Variants in TTC6 observed in about 807,000 individuals in gnomAD.
The protein encoded by TTC6 is tetratricopeptide repeat protein 6.
TTC6 carries 172 observed loss-of-function variants against 210.4 expected under a neutral mutation model. That is an observed-to-expected ratio of 0.82 (90% CI 0.72 to 0.93). The LOEUF (loss-of-function observed/expected upper bound fraction) is 0.93. Ranked by LOEUF, TTC6 falls within the 40% of genes least tolerant of loss-of-function variation. The probability of loss-of-function intolerance (pLI) is 0.00; values close to 1 mark genes in which losing one functional copy is unlikely to be tolerated. For missense variants in TTC6, 2,414 were observed against 2,318.1 expected (o/e 1.04, Z -0.85); for synonymous variants, 804 against 819.6 (o/e 0.98, Z 0.32).
chr14:37,671,551 C>T (rs1460754279), intron 1 of TTC6, among the ~76,000 whole-genome samples: 1 of 152,028 alleles, frequency 6.6e-6, no homozygotes, highest in Non-Finnish European at 1.5e-5. Flanking sequence ...TATTAGTTAA[C>T]ATTTTGAACG....
chr14:37,699,243 A>G (rs1218173957), intron 4 of TTC6, among the ~76,000 whole-genome samples: 3 of 152,218 alleles, frequency 2.0e-5, no homozygotes, highest in Non-Finnish European at 4.4e-5. Context: ...GGACTGACAG[A>G]TGTAGCCCTA....
In TTC6 at chr14:37,736,997, A is replaced by T. The variant is rs148579049; in HGVS notation, c.1909-663A>T. Reference sequence around the variant, plus strand: ...GTCTCAAAACTCCTAGGCTTAAGTGATCCTCCTGCCTCAGCCTCCCAAACT... The same window carrying T: ...GTCTCAAAACTCCTAGGCTTAAGTGTTCCTCCTGCCTCAGCCTCCCAAACT... On this transcript the variant is annotated intron_variant, in intron 8 of 30. Coordinates refer to ENST00000553443, the Ensembl canonical transcript of TTC6. 2.4e-3 allele frequency among the ~76,000 whole-genome samples: 362 copies of T among 152,156 alleles called. 3 individuals carry two copies. Among genetic ancestry groups the T allele is most frequent in the African/African-American group, 8.1e-3 (336 of 41,504 alleles).
chr14:37,701,444 A>G (rs777551659), exon 5 of TTC6: 1 of 1,531,872 alleles, frequency 6.5e-7, no homozygotes, highest in Non-Finnish European at 8.7e-7. Context: ...CACTGCTAAC[A>G]GGAAAGGCCA....
At chr14:37,752,568 C>T (rs1376813357) in intron 13 of TTC6, among the ~76,000 whole-genome samples, 1 of 148,884 alleles carries the variant, frequency 6.7e-6, no homozygotes, top group Non-Finnish European at 1.5e-5. Flanking sequence ...TGTTTCAGTT[C>T]TTTTCTACTA....
rs75615002 is a variant in TTC6, at chr14:37,803,848, G to A, written c.4030-832G>A. 2.8e-4 allele frequency among the ~76,000 whole-genome samples: 42 copies of A among 152,214 alleles called. No individual in the cohort carries two copies. In the East Asian group the frequency reaches 7.7e-3, roughly 28 times the overall value. On this transcript the variant is annotated intron_variant, in intron 20 of 30. Coordinates refer to ENST00000553443, the Ensembl canonical transcript of TTC6. Reference sequence around the variant, plus strand: ...AGTGAGGACAGAAGGAGGGATGTTGGGTGGCTTGCAAACATATACAGCTAA... The same window carrying A: ...AGTGAGGACAGAAGGAGGGATGTTGAGTGGCTTGCAAACATATACAGCTAA...
chr14:37,630,551 A>G (rs1165678278), intron 1 of TTC6, among the ~76,000 whole-genome samples: 1 of 152,166 alleles, frequency 6.6e-6, no homozygotes, highest in East Asian at 1.9e-4. Flanking sequence ...AAGAATGTAT[A>G]TAGGTTTGAT....
chr14:37,670,696 C>T (rs1426027928), intron 1 of TTC6, among the ~76,000 whole-genome samples: 1 of 151,746 alleles, frequency 6.6e-6, no homozygotes. Context: ...GTCTGGAACC[C>T]CTGACCTAGA....
chr14:37,796,326 A>G (rs2096092666), exon 19 of TTC6: 1 of 1,297,454 alleles, frequency 7.7e-7, no homozygotes. Flanking sequence ...AAATATTATG[A>G]TCTTGCAAAG....
chr14:37,720,154 TG>T (rs1566908662), intron 6 of TTC6, among the ~76,000 whole-genome samples: 1 of 152,054 alleles, frequency 6.6e-6, no homozygotes, highest in East Asian at 1.9e-4. Context: ...TAGTACAGAA[TG>T]GTTAAAATAA....
At chr14:37,716,570 G>A (rs1165181142) in intron 6 of TTC6, among the ~76,000 whole-genome samples, 3 of 152,076 alleles carry the variant, frequency 2.0e-5, no homozygotes, top group Admixed American at 6.5e-5. Flanking sequence ...AGCAAAGAAA[G>A]TTCTCAGAGA....
chr14:37,796,845 T>C (rs762440141), exon 20 of TTC6: 11 of 1,610,182 alleles, frequency 6.8e-6, no homozygotes, highest in Non-Finnish European at 8.5e-6. Context: ...GTGAAAACCA[T>C]GACAAGGCCA....
rs775587620 is a variant in TTC6 at position 37,792,304 on chromosome 14, C to G, written c.3598C>G (p.Leu1200Val). The G allele has an allele frequency of 2.0e-6, 3 of 1,530,904 alleles. No homozygotes were observed. The South Asian group carries it at 3.6e-5, about 18-fold the overall frequency. 94.8% of individuals were successfully genotyped at this position (1,530,904 alleles called of 1,614,324 possible). The change falls in exon 17 of 31, where the codon CTG becomes GTG. Residue 1200 changes from leucine to valine, a missense_variant. Physicochemically the swap from Leu to Val is conservative, Grantham distance 32. Transcript: ENST00000553443. ...TTATGTAAATATTGGCCTCATACAT[C>G]TGCTACACCTGGATAACTACACGGA...
At chr14:37,761,565 T>A (rs796097071) in intron 14 of TTC6, among the ~76,000 whole-genome samples, 7 of 152,222 alleles carry the variant, frequency 4.6e-5, no homozygotes, top group African/African-American at 1.7e-4. Flanking sequence ...CATGTAACCA[T>A]CATCAGGTCA....
chr14:37,699,923 C>T (rs577992558), intron 4 of TTC6, among the ~76,000 whole-genome samples: 1 of 151,980 alleles, frequency 6.6e-6, no homozygotes, highest in East Asian at 1.9e-4. Context: ...GAAGCCACAC[C>T]CAGTTTGGAA....
intron 14 of TTC6, among the ~76,000 whole-genome samples, chr14:37,768,994 GA>G (rs2096008811): frequency 6.6e-6 from 1 of 152,108 alleles, no homozygotes; most frequent in African/African-American, 2.4e-5. Context: ...CTAATTTATT[GA>G]GAGTTTTTAG....
intron 1 of TTC6, among the ~76,000 whole-genome samples, chr14:37,676,528 C>T (rs898108818): frequency 6.6e-6 from 1 of 151,944 alleles, no homozygotes; most frequent in South Asian, 2.1e-4. Flanking sequence ...TTTTTACTTT[C>T]TTCATCGTGT....
chr14:37,669,597 A>G (rs997596714), intron 1 of TTC6, among the ~76,000 whole-genome samples: 9 of 152,114 alleles, frequency 5.9e-5, no homozygotes, highest in African/African-American at 1.9e-4. Flanking sequence ...CTACACATCA[A>G]TATATATGTT....
chr14:37,737,726 C>CA lies in TTC6; in HGVS notation c.1977dup (p.Leu660ThrfsTer24). The CA allele has an allele frequency of 6.6e-7, 1 of 1,504,466 alleles. No homozygotes were observed. The highest frequency in any genetic ancestry group is 8.9e-7 in the Non-Finnish European group (1 of 1,124,844). 93.2% of individuals were successfully genotyped at this position (1,504,466 alleles called of 1,614,324 possible). The stretch of plus-strand genomic sequence containing the variant: ...AAAATGGTTTAGTGCACAACCTACA[C>CA]AACTAAGGGTATTATAATTTTACAG... On this transcript the variant is annotated frameshift_variant, in exon 9 of 31. Transcript: ENST00000553443. LOFTEE classifies it high-confidence loss of function.
At chr14:37,721,990 C>T (rs1480525078) in intron 6 of TTC6, among the ~76,000 whole-genome samples, 1 of 150,256 alleles carries the variant, frequency 6.7e-6, no homozygotes, top group Admixed American at 6.7e-5. Context: ...GGCAAATAAT[C>T]TCCCCCAGGG....
Sources: gnomAD v4.1 joint callset for allele counts (sites outside exome capture counted in the v4.1 genomes callset) on GRCh38, gnomAD v4.1.1 for gene constraint, MANE v1.5 for transcripts, NCBI Gene and HGNC (gene_info 2026-07-23, HGNC 2026-07-21) for gene names.